PKP4: variants seen among roughly 807,000 people sequenced by gnomAD.
PKP4 encodes plakophilin 4, also known as plakophilin-4.
A neutral mutation model predicts 145.1 loss-of-function variants in PKP4; 90 were observed. That is an observed-to-expected ratio of 0.62 (90% confidence interval 0.52 to 0.74). The LOEUF is 0.74. Ranked by LOEUF, PKP4 falls within the 30% of genes least tolerant of loss-of-function variation. The pLI is 0.00. For missense variants in PKP4, 1,340 were observed against 1,482.7 expected (o/e 0.90, Z 1.58); for synonymous variants, 563 against 577.2 (o/e 0.98, Z 0.35).
chr2:158,544,496 C>G (rs1224054462), intron 2 of PKP4, among the ~76,000 whole-genome samples: 1 of 151,988 alleles, frequency 6.6e-6, no homozygotes, highest in African/African-American at 2.4e-5. Context: ...TTTTCCCCAC[C>G]GTAAGTATTC....
chr2:158,504,943 T>C (rs1697098498), intron 1 of PKP4, among the ~76,000 whole-genome samples: 1 of 152,218 alleles, frequency 6.6e-6, no homozygotes, highest in African/African-American at 2.4e-5. Flanking sequence ...AGAGTTACGG[T>C]AGATTGCCAA....
intron 1 of PKP4, among the ~76,000 whole-genome samples, chr2:158,519,469 G>A (rs1221286568): frequency 2.6e-5 from 4 of 152,148 alleles, no homozygotes; most frequent in Non-Finnish European, 5.9e-5. Context: ...CAGGGTAGGC[G>A]CTGACCACCC....
chr2:158,557,716 G>A (rs1326435785), intron 2 of PKP4, among the ~76,000 whole-genome samples: 1 of 152,176 alleles, frequency 6.6e-6, no homozygotes, highest in Admixed American at 6.5e-5. Flanking sequence ...TGTCACAGAT[G>A]TATAGTAAAG....
intron 2 of PKP4, among the ~76,000 whole-genome samples, chr2:158,536,660 G>C (rs3771593): frequency 6.6e-6 from 1 of 152,120 alleles, no homozygotes; most frequent in Non-Finnish European, 1.5e-5. Context: ...CCAGAAGCTA[G>C]CTGTTCCTTG....
At chr2:158,628,996 C>G (rs190601246) in intron 7 of PKP4, among the ~76,000 whole-genome samples, 9 of 152,138 alleles carry the variant, frequency 5.9e-5, no homozygotes, top group African/African-American at 1.9e-4. Flanking sequence ...TAGGTACATT[C>G]ACCTGTCTGC....
rs2041387248 is a variant in PKP4 at position 158,510,302 on chromosome 2, T to A, written c.-5-22878T>A. 2.6e-5 allele frequency among the ~76,000 whole-genome samples: 4 copies of A among 152,334 alleles called. No homozygotes were observed. In the South Asian group the frequency reaches 8.3e-4, roughly 32 times the overall value. ...ATTTTCAACTCCTCAAATAGTAGAATCAGTTCTGTCAGCAGGCATTTTATT... is the reference window on the plus strand; with the variant it reads ...ATTTTCAACTCCTCAAATAGTAGAAACAGTTCTGTCAGCAGGCATTTTATT... On this transcript the variant is annotated intron_variant, in intron 1 of 21. Coordinates refer to ENST00000389759, the MANE Select transcript of PKP4 (RefSeq NM_003628.6).
chr2:158,459,987 C>A (rs1296038605), intron 1 of PKP4, among the ~76,000 whole-genome samples: 2 of 152,178 alleles, frequency 1.3e-5, no homozygotes, highest in Non-Finnish European at 2.9e-5. Context: ...AAAGTGCATT[C>A]CCTCCCCACC....
At chr2:158,622,572 A>G (rs1448115012) in intron 6 of PKP4, among the ~76,000 whole-genome samples, 1 of 152,234 alleles carries the variant, frequency 6.6e-6, no homozygotes, top group East Asian at 1.9e-4. Context: ...ACAGGTACAC[A>G]GCAATGGGTC....
chr2:158,526,137 G>C (rs1178838243), intron 1 of PKP4, among the ~76,000 whole-genome samples: 2 of 146,940 alleles, frequency 1.4e-5, no homozygotes, highest in African/African-American at 5.1e-5. Context: ...CATTTTATGA[G>C]GCCAGCATCA....
At chr2:158,460,080 T>G (rs1430792490) in intron 1 of PKP4, among the ~76,000 whole-genome samples, 1 of 152,128 alleles carries the variant, frequency 6.6e-6, no homozygotes, top group East Asian at 1.9e-4. Context: ...AAGCTAAATA[T>G]CCAATTATTT....
chr2:158,553,746 T>A lies in PKP4; in HGVS notation c.132+20430T>A, dbSNP rs538197343. On this transcript the variant is annotated intron_variant, in intron 2 of 21. Transcript: ENST00000389759. The stretch of plus-strand genomic sequence containing the variant: ...AATGGGAGTGTCATAACTATTATCC[T>A]ATGTCTATCCCACCACTGTATTTTG... 1.2e-3 allele frequency among the ~76,000 whole-genome samples: 187 copies of A among 152,298 alleles called. 2 individuals are homozygous for A. Among genetic ancestry groups the A allele is most frequent in the African/African-American group, 4.2e-3 (176 of 41,562 alleles).
chr2:158,676,612 T>A, intron 19 of PKP4, 127 bp from the exon 20 acceptor site: 1 of 1,148,272 alleles, frequency 8.7e-7, no homozygotes, highest in Non-Finnish European at 1.3e-6. Context: ...TCTGAGATAT[T>A]TTCAGCACCA....
chr2:158,467,636 A>G (rs747665033), intron 1 of PKP4, among the ~76,000 whole-genome samples: 4 of 151,978 alleles, frequency 2.6e-5, no homozygotes, highest in African/African-American at 9.7e-5. Context: ...ACTTGAGGCC[A>G]AGAGTTCAAG....
At chr2:158,554,753 T>G (rs1038380825) in intron 2 of PKP4, among the ~76,000 whole-genome samples, 1 of 152,170 alleles carries the variant, frequency 6.6e-6, no homozygotes, top group Non-Finnish European at 1.5e-5. Flanking sequence ...AAAATTGCTA[T>G]CCATTGGTCT....
At chr2:158,603,205 T>TTGCAAAGCCAAGCAAAGTCA (rs1181942316) in intron 4 of PKP4, 101 bp downstream of exon 4, 1 of 630,982 alleles carries the variant, frequency 1.6e-6, no homozygotes, top group African/African-American at 1.9e-5. Context: ...AAGCAAAGCC[T>TTGCAAAGCCAAGCAAAGTCA]TTAATAGTGA....
chr2:158,493,243 T>C (rs1360806939), intron 1 of PKP4, among the ~76,000 whole-genome samples: 4 of 152,212 alleles, frequency 2.6e-5, no homozygotes, highest in African/African-American at 9.6e-5. Flanking sequence ...GTTTTCCTAA[T>C]AATGACAGAT....
chr2:158,586,844 G>A (rs1243542203), intron 3 of PKP4, among the ~76,000 whole-genome samples: 1 of 152,160 alleles, frequency 6.6e-6, no homozygotes, highest in Non-Finnish European at 1.5e-5. Context: ...AAATCCAAAT[G>A]ACAAGTATCT....
At chr2:158,553,020 G>C (rs1224857613) in intron 2 of PKP4, among the ~76,000 whole-genome samples, 1 of 152,130 alleles carries the variant, frequency 6.6e-6, no homozygotes, top group Non-Finnish European at 1.5e-5. Context: ...AGAAAACTTA[G>C]CTGAATTGTC....
Position 158,567,481 on chromosome 2 carries a change from C to T in PKP4, c.133-9790C>T, listed in dbSNP as rs923807281. ...GGGTTGGGTTGGGTAGAGCGTGGTG[C>T]GCAGTGGTTAACCCATGGGGTTAGG... On this transcript the variant is annotated intron_variant, in intron 2 of 21. Transcript: ENST00000389759. Among the ~76,000 whole-genome samples, 5 of 152,086 alleles carry T rather than the reference C, an allele frequency of 3.3e-5. No homozygotes were observed. In the East Asian group the frequency reaches 5.8e-4, roughly 18 times the overall value.
Sources: allele counts gnomAD v4.1 joint callset (sites outside exome capture counted in the v4.1 genomes callset), GRCh38; gene constraint gnomAD v4.1.1; transcripts MANE v1.5; gene names NCBI Gene and HGNC (gene_info 2026-07-23, HGNC 2026-07-21).